Variants in PRRG4 observed in about 807,000 individuals in gnomAD.
PRRG4 encodes the protein transmembrane gamma-carboxyglutamic acid protein 4.
PRRG4 carries 12 observed loss-of-function variants against 20.0 expected under a neutral mutation model. The ratio of observed to expected loss-of-function variants is 0.60; its 90% CI spans 0.38 to 0.97. The LOEUF (loss-of-function observed/expected upper bound fraction) is 0.97, where lower values mean the gene tolerates loss of function less well. PRRG4 is among the 50% of genes least tolerant of loss of function. The probability of loss-of-function intolerance (pLI) is 0.00; values close to 1 mark genes in which losing one functional copy is unlikely to be tolerated. For missense variants in PRRG4, 199 were observed against 265.1 expected (o/e 0.75, Z 1.73); for synonymous variants, 94 against 96.4 (o/e 0.98, Z 0.15).
Position 32,836,748 on chromosome 11 carries a change from TAGAA to T in PRRG4, c.198_201del (p.Arg67SerfsTer45), listed in dbSNP as rs1457141673. 1 of 1,613,158 alleles carries T rather than the reference TAGAA, an allele frequency of 6.2e-7. No homozygotes were observed. Among genetic ancestry groups the T allele is most frequent in the Non-Finnish European group, 8.5e-7 (1 of 1,179,364 alleles). The stretch of plus-strand genomic sequence containing the variant: ...CTGGAGCTCTTCACTCCCGGCAACC[TAGAA>T]AGAGAGTGCAATGAAGAACTTTGCA... On this transcript the variant is annotated frameshift_variant, in exon 3 of 6. Coordinates refer to ENST00000257836, the MANE Select transcript of PRRG4 (RefSeq NM_024081.6). LOFTEE classifies it high-confidence loss of function.
intron 5 of PRRG4, among the ~76,000 whole-genome samples, chr11:32,848,758 G>A (rs1219921777): frequency 1.3e-5 from 2 of 151,940 alleles, no homozygotes; most frequent in Non-Finnish European, 2.9e-5. Context: ...GATCACCTGA[G>A]GTCAGGAGTT....
At chr11:32,839,746 AGAT>A (rs1396107524) in intron 4 of PRRG4, among the ~76,000 whole-genome samples, 1 of 120,652 alleles carries the variant, frequency 8.3e-6, no homozygotes, top group Non-Finnish European at 1.9e-5. Context: ...ATTAAAATAT[AGAT>A]ATATTTTGAA....
rs1851237328 is a variant in PRRG4, at chr11:32,857,606, T to C, written c.*4079T>C. 6.6e-6 allele frequency: 1 copy of C among 152,264 alleles called. No individual in the cohort carries two copies. Among genetic ancestry groups the C allele is most frequent in the South Asian group, 2.1e-4 (1 of 4,836 alleles). The allele number at this position is 152,264 out of a possible 1,614,324, so 9.4% of individuals were successfully genotyped here. A position where few individuals can be genotyped will look rare whatever the true frequency, so the allele number is the denominator to read the frequency against. ...ATTTTTCTACTTCTCAGATAATTTA[T>C]GTGTGTGTACTCTTCCTAGACGTAC... On this transcript the variant is annotated 3_prime_UTR_variant, in exon 6 of 6. Transcript: ENST00000257836.
chr11:32,831,441 A>C (rs1850970320), intron 2 of PRRG4, among the ~76,000 whole-genome samples: 1 of 151,970 alleles, frequency 6.6e-6, no homozygotes, highest in Admixed American at 6.6e-5. Context: ...TTACACTAGT[A>C]CTCCTAACTG....
At chr11:32,830,237 G>C in intron 1 of PRRG4, 64 bp downstream of exon 1, 9 of 1,066,464 alleles carry the variant, frequency 8.4e-6, no homozygotes, top group Non-Finnish European at 9.3e-6. Flanking sequence ...CACCTCGGCG[G>C]ACTGGGTTGG....
At position 32,857,961 on chromosome 11, in the gene PRRG4, T is replaced by G. The variant is rs1851242065; in HGVS notation, c.*4434T>G. On this transcript the variant is annotated 3_prime_UTR_variant, in exon 6 of 6. Coordinates refer to ENST00000257836, the MANE Select transcript of PRRG4 (RefSeq NM_024081.6). ...ATGTTTCTCTAACACCTCAACAGTT[T>G]AAGGTAATTTAGTACACATATATCA... The G allele has an allele frequency of 6.6e-6, 1 of 152,138 alleles. No homozygotes were observed. Among genetic ancestry groups the G allele is most frequent in the Middle Eastern group, 3.2e-3 (1 of 316 alleles). The allele number at this position is 152,138 out of a possible 1,614,324, so 9.4% of individuals were successfully genotyped here.
At chr11:32,839,021 G>T (rs1452812489) in intron 4 of PRRG4, 91 bp downstream of exon 4, 3 of 893,190 alleles carry the variant, frequency 3.4e-6, no homozygotes, top group Non-Finnish European at 5.5e-6. Flanking sequence ...TGGTTGTTGC[G>T]CAACATACAT....
intron 5 of PRRG4, among the ~76,000 whole-genome samples, chr11:32,845,407 C>T (rs563486363): frequency 3.3e-5 from 5 of 152,144 alleles, no homozygotes; most frequent in East Asian, 1.9e-4. Flanking sequence ...GGGCGGATCA[C>T]GAAGTCAGGA....
intron 5 of PRRG4, among the ~76,000 whole-genome samples, chr11:32,846,550 T>C (rs539680900): frequency 1.3e-5 from 2 of 152,312 alleles, no homozygotes; most frequent in South Asian, 2.1e-4. Flanking sequence ...ATGGCTCTTA[T>C]AGTCTGGTTT....
At position 32,853,290 on chromosome 11, in the gene PRRG4, G is replaced by A; in HGVS notation, c.450-6G>A. 1 of 1,608,278 alleles carries A rather than the reference G, an allele frequency of 6.2e-7. No homozygotes were observed. Among genetic ancestry groups the A allele is most frequent in the Non-Finnish European group, 8.5e-7 (1 of 1,174,814 alleles). The stretch of plus-strand genomic sequence containing the variant: ...TCCTAGACCTAAATGTTGTCTCTCT[G>A]CTTAGCTCTTCAGCCGTCTATGAAA... On this transcript the variant is annotated splice_polypyrimidine_tract_variant and splice_region_variant and intron_variant, in intron 5 of 5. Coordinates refer to ENST00000257836, the MANE Select transcript of PRRG4 (RefSeq NM_024081.6).
chr11:32,830,109 G>C lies in PRRG4; in HGVS notation c.-87G>C. ...GCCGGAGACCGAGGGCCTGGCGGCC[G>C]AAGGAACCGCCCCAAGAAGAGCCTC... On this transcript the variant is annotated 5_prime_UTR_variant, in exon 1 of 6. Transcript: ENST00000257836. The C allele has an allele frequency of 1.0e-6, 1 of 992,936 alleles. No homozygotes were observed. Among genetic ancestry groups the C allele is most frequent in the South Asian group, 4.7e-5 (1 of 21,410 alleles). The allele number at this position is 992,936 out of a possible 1,614,324, so 61.5% of individuals were successfully genotyped here.
At chr11:32,839,230 G>C (rs1461989190) in intron 4 of PRRG4, among the ~76,000 whole-genome samples, 1 of 152,194 alleles carries the variant, frequency 6.6e-6, no homozygotes, top group Non-Finnish European at 1.5e-5. Context: ...TTCATTTCAA[G>C]ATGTAAGCTA....
Position 32,854,813 on chromosome 11 carries a change from A to G in PRRG4, c.*1286A>G, listed in dbSNP as rs1851216802. Reference sequence around the variant, plus strand: ...GTGGGGTCAGTAGTTTTCTTCTTCTAAAAAATACTATTTGCTATGAAGTTA... The same window carrying G: ...GTGGGGTCAGTAGTTTTCTTCTTCTGAAAAATACTATTTGCTATGAAGTTA... On this transcript the variant is annotated 3_prime_UTR_variant, in exon 6 of 6. Transcript: ENST00000257836. 1 of 152,134 alleles carries G rather than the reference A, an allele frequency of 6.6e-6. No homozygotes were observed. Among genetic ancestry groups the G allele is most frequent in the South Asian group, 2.1e-4 (1 of 4,830 alleles). 9.4% of individuals were successfully genotyped at this position (152,134 alleles called of 1,614,324 possible). A position where few individuals can be genotyped will look rare whatever the true frequency, so the allele number is the denominator to read the frequency against.
chr11:32,831,468 A>G (rs994221399), intron 2 of PRRG4, among the ~76,000 whole-genome samples: 1 of 152,148 alleles, frequency 6.6e-6, no homozygotes, highest in Non-Finnish European at 1.5e-5. Context: ...TTAATGATTA[A>G]TACAGCTGTG....
Position 32,838,811 on chromosome 11 carries a change from G to T in PRRG4, c.268-71G>T, listed in dbSNP as rs1851048349. On this transcript the variant is annotated intron_variant, in intron 3 of 5. Coordinates refer to ENST00000257836, the MANE Select transcript of PRRG4 (RefSeq NM_024081.6). ...CCAAGAGTTTACTACCCCTAGTCTA[G>T]GTCATTAGGACCAAATGAAATGTGA... 5.3e-6 allele frequency: 6 copies of T among 1,122,720 alleles called. No individual in the cohort carries two copies. In the South Asian group the frequency reaches 7.5e-5, roughly 14 times the overall value. 69.5% of individuals were successfully genotyped at this position (1,122,720 alleles called of 1,614,324 possible). A position where few individuals can be genotyped will look rare whatever the true frequency, so the allele number is the denominator to read the frequency against.
In PRRG4 at chr11:32,839,688, AGTAT is replaced by A. The variant is rs1295110601; in HGVS notation, c.317-418_317-415del. On this transcript the variant is annotated intron_variant, in intron 4 of 5. Coordinates refer to ENST00000257836, the MANE Select transcript of PRRG4 (RefSeq NM_024081.6). ...ATATTTTGAATATTATTAAAATATA[AGTAT>A]TATATTTTGAATATTATTAAAATAT... 5.2e-3 allele frequency among the ~76,000 whole-genome samples: 701 copies of A among 133,818 alleles called. 5 individuals are homozygous for A. The highest frequency in any genetic ancestry group is 7.9e-3 in the Non-Finnish European group (513 of 64,994). 87.8% of individuals were successfully genotyped at this position (133,818 alleles called of 152,430 possible).
At position 32,855,577 on chromosome 11, in the gene PRRG4, A is replaced by G. The variant is rs540859792; in HGVS notation, c.*2050A>G. 1 of 152,326 alleles carries G rather than the reference A, an allele frequency of 6.6e-6. No individual in the cohort carries two copies. The highest frequency in any genetic ancestry group is 2.1e-4 in the South Asian group (1 of 4,824). 9.4% of individuals were successfully genotyped at this position (152,326 alleles called of 1,614,324 possible). On this transcript the variant is annotated 3_prime_UTR_variant, in exon 6 of 6. Transcript: ENST00000257836. ...GTATGTCTCTCTTTTAAGATGCATC[A>G]TCTTAAGGCAGATAAAAGTAAGTCC...
intron 1 of PRRG4, 42 bp downstream of exon 1, chr11:32,830,215 C>G: frequency 9.3e-7 from 1 of 1,078,718 alleles, no homozygotes; most frequent in African/African-American, 1.6e-5. Context: ...GAGGGGGTTA[C>G]CTGGAAGGGG....
upstream of PRRG4, chr11:32,829,808 A>G (rs888086939): frequency 5.3e-5 from 52 of 985,294 alleles, no homozygotes; most frequent in Admixed American, 1.2e-4. Flanking sequence ...GGCGGCTGAG[A>G]GCGCAGCGCG....
Sources: allele counts gnomAD v4.1 joint callset (sites outside exome capture counted in the v4.1 genomes callset), GRCh38; gene constraint gnomAD v4.1.1; transcripts MANE v1.5; gene names NCBI Gene and HGNC (gene_info 2026-07-23, HGNC 2026-07-21).